CSRNP3: variants seen among roughly 807,000 people sequenced by gnomAD.
CSRNP3 encodes the protein cysteine/serine-rich nuclear protein 3.
In CSRNP3, 12 loss-of-function variants were observed where a neutral mutation model predicts 48.0. That is an observed-to-expected ratio of 0.25 (90% CI 0.16 to 0.41). The LOEUF (loss-of-function observed/expected upper bound fraction) is 0.41, where lower values mean the gene tolerates loss of function less well. Ranked by LOEUF, CSRNP3 falls within the 10% of genes least tolerant of loss-of-function variation. The pLI is 1.00. For missense variants in CSRNP3, 580 were observed against 724.4 expected, an observed-to-expected ratio of 0.80 and a Z score of 2.29; for synonymous variants, 263 against 269.7, an observed-to-expected ratio of 0.98 and a Z score of 0.24.
intron 3 of CSRNP3, among the ~76,000 whole-genome samples, chr2:165,532,986 A>G (rs1035902242): frequency 3.9e-5 from 6 of 152,176 alleles, no homozygotes; most frequent in Non-Finnish European, 8.8e-5. Flanking sequence ...TAAAATACCT[A>G]GGAATCCAAC....
chr2:165,580,503 T>A (rs1685526158), intron 3 of CSRNP3, among the ~76,000 whole-genome samples: 1 of 152,222 alleles, frequency 6.6e-6, no homozygotes. Flanking sequence ...CTTGTTGTAA[T>A]TTTAAAAATC....
At chr2:165,646,163 G>T (rs571153156) in intron 4 of CSRNP3, among the ~76,000 whole-genome samples, 1 of 151,958 alleles carries the variant, frequency 6.6e-6, no homozygotes, top group African/African-American at 2.4e-5. Context: ...TATAGTAAAG[G>T]CTTTTTTAGA....
chr2:165,624,492 TC>T (rs1358502403), intron 4 of CSRNP3, among the ~76,000 whole-genome samples: 1 of 152,202 alleles, frequency 6.6e-6, no homozygotes, highest in African/African-American at 2.4e-5. Context: ...ACTACAAATA[TC>T]CTGTGGGTTT....
At chr2:165,493,611 G>A (rs915689346) in intron 1 of CSRNP3, among the ~76,000 whole-genome samples, 18 of 152,052 alleles carry the variant, frequency 1.2e-4, no homozygotes, top group African/African-American at 3.1e-4. Flanking sequence ...AGCATTGGCC[G>A]GAGTTAGAGG....
intron 1 of CSRNP3, among the ~76,000 whole-genome samples, chr2:165,493,426 T>G (rs1684245742): frequency 6.6e-6 from 1 of 152,120 alleles, no homozygotes; most frequent in African/African-American, 2.4e-5. Flanking sequence ...AGAGACTGTT[T>G]TGATTCCCTA....
chr2:165,571,296 C>T (rs1393392461), intron 3 of CSRNP3, among the ~76,000 whole-genome samples: 1 of 151,784 alleles, frequency 6.6e-6, no homozygotes, highest in Non-Finnish European at 1.5e-5. Flanking sequence ...TTCACTGAGA[C>T]TTAAAAGTAA....
chr2:165,679,895 C>T lies in CSRNP3; in HGVS notation c.*142C>T. 5.1e-6 allele frequency: 6 copies of T among 1,176,222 alleles called. No individual in the cohort carries two copies. In the South Asian group the frequency reaches 6.2e-5, roughly 12 times the overall value. 72.9% of individuals were successfully genotyped at this position (1,176,222 alleles called of 1,614,324 possible). On this transcript the variant is annotated 3_prime_UTR_variant, in exon 7 of 7. Transcript: ENST00000651982. The stretch of plus-strand genomic sequence containing the variant: ...TCTTCCAGACTGTATTTTGTTTTTT[C>T]CTTTCTAGCCACATGACTGTGGCAT...
chr2:165,480,511 G>A (rs575131352), intron 1 of CSRNP3, among the ~76,000 whole-genome samples: 19 of 152,114 alleles, frequency 1.2e-4, no homozygotes, highest in Non-Finnish European at 1.6e-4. Context: ...CACTATATGT[G>A]TGTTGACTAT....
intron 3 of CSRNP3, among the ~76,000 whole-genome samples, chr2:165,536,958 T>C (rs1041818328): frequency 6.6e-6 from 1 of 151,882 alleles, no homozygotes; most frequent in African/African-American, 2.4e-5. Context: ...CTTCCGTATG[T>C]ATCCTGTGTA....
Position 165,678,674 on chromosome 2 carries a change from G to T in CSRNP3, c.706-27G>T, listed in dbSNP as rs760508531. 6 of 1,602,972 alleles carry T rather than the reference G, an allele frequency of 3.7e-6. No homozygotes were observed. The African/African-American group carries it at 6.7e-5, about 18-fold the overall frequency. ...TTATTTGGTTTGTAATAGTTCCATG[G>T]TGCTAATCTGTGTTCTTCCTTCCAA... On this transcript the variant is annotated intron_variant, in intron 6 of 6. Transcript: ENST00000651982.
intron 5 of CSRNP3, among the ~76,000 whole-genome samples, chr2:165,665,775 A>AAGAGAGAGAGAG (rs10645178): frequency 0.017 from 2,261 of 131,160 alleles, 23 homozygotes; most frequent in African/African-American, 0.026. Flanking sequence ...AAAAGAAAGA[A>AAGAGAGAGAGAG]AGAGAGAGAG....
chr2:165,637,241 A>G (rs1480749583), intron 4 of CSRNP3, among the ~76,000 whole-genome samples: 2 of 152,216 alleles, frequency 1.3e-5, no homozygotes, highest in African/African-American at 2.4e-5. Flanking sequence ...GCCTGTCACT[A>G]GGAAAGCTTG....
At position 165,564,659 on chromosome 2, in the gene CSRNP3, T is replaced by C. The variant is rs989888525; in HGVS notation, c.-23-30384T>C. On this transcript the variant is annotated intron_variant, in intron 3 of 6. Coordinates refer to ENST00000651982, the MANE Select transcript of CSRNP3 (RefSeq NM_001172173.2). ...CGTATTTGTTTGTATTTCTGGCCAA[T>C]TTTTTCACTAATTATTATTTTGTAA... Among the ~76,000 whole-genome samples, 11 of 152,088 alleles carry C rather than the reference T, an allele frequency of 7.2e-5. No individual in the cohort carries two copies. In the East Asian group the frequency reaches 2.1e-3, roughly 29 times the overall value.
At chr2:165,545,647 G>T (rs2105255982) in intron 3 of CSRNP3, among the ~76,000 whole-genome samples, 1 of 152,184 alleles carries the variant, frequency 6.6e-6, no homozygotes, top group African/African-American at 2.4e-5. Flanking sequence ...GGCCATATCT[G>T]TCTTATTTAC....
At chr2:165,516,829 A>G (rs1380855453) in intron 2 of CSRNP3, among the ~76,000 whole-genome samples, 2 of 152,142 alleles carry the variant, frequency 1.3e-5, no homozygotes, top group Non-Finnish European at 2.9e-5. Flanking sequence ...GATATTGATA[A>G]AGTTTAAAGG....
At chr2:165,643,044 T>G (rs1686750787) in intron 4 of CSRNP3, among the ~76,000 whole-genome samples, 1 of 152,166 alleles carries the variant, frequency 6.6e-6, no homozygotes, top group Non-Finnish European at 1.5e-5. Flanking sequence ...TTTAGAGGAT[T>G]CTTTAATAAC....
intron 3 of CSRNP3, among the ~76,000 whole-genome samples, chr2:165,573,555 A>G (rs1437194525): frequency 6.6e-6 from 1 of 152,230 alleles, no homozygotes; most frequent in Non-Finnish European, 1.5e-5. Context: ...CTGCTATATG[A>G]ATCTTTAGAT....
intron 4 of CSRNP3, among the ~76,000 whole-genome samples, chr2:165,603,121 T>C (rs1054205703): frequency 2.0e-4 from 30 of 152,060 alleles, no homozygotes; most frequent in African/African-American, 7.0e-4. Flanking sequence ...GGTCTTGATC[T>C]CCTGACCTCA....
intron 3 of CSRNP3, among the ~76,000 whole-genome samples, chr2:165,588,481 C>T (rs1558942429): frequency 6.6e-6 from 1 of 152,224 alleles, no homozygotes; most frequent in Non-Finnish European, 1.5e-5. Flanking sequence ...TTGGGAGGCC[C>T]TTGGCCTAGT....
Sources: allele counts gnomAD v4.1 joint callset (sites outside exome capture counted in the v4.1 genomes callset), GRCh38; gene constraint gnomAD v4.1.1; transcripts MANE v1.5; gene names NCBI Gene and HGNC (gene_info 2026-07-23, HGNC 2026-07-21).